PAK1: variants seen among roughly 807,000 people sequenced by gnomAD.
PAK1 encodes p21 (RAC1) activated kinase 1, also known as serine/threonine-protein kinase PAK 1.
A neutral mutation model predicts 67.4 loss-of-function variants in PAK1; 29 were observed. The ratio of observed to expected loss-of-function variants is 0.43; its 90% CI spans 0.32 to 0.59. The LOEUF is 0.59. Among genes scored for constraint, PAK1 ranks in the 20% least tolerant of loss-of-function variants. PAK1 has a pLI of 0.07. For synonymous variants in PAK1, 223 were observed against 237.4 expected (o/e 0.94, Z 0.56); for missense variants, 337 against 670.7 (o/e 0.50, Z 5.50).
At chr11:77,367,108 G>A (rs1334086662) in intron 5 of PAK1, among the ~76,000 whole-genome samples, 2 of 152,204 alleles carry the variant, frequency 1.3e-5, no homozygotes, top group African/African-American at 4.8e-5. Context: ...TGTTGTATGA[G>A]TTTATTTATA....
the PAK1 span, among the ~76,000 whole-genome samples, chr11:77,490,328 G>A: frequency 3.6e-3 from 504 of 139,990 alleles, no homozygotes; most frequent in Middle Eastern, 7.4e-3. Flanking sequence ...CGGGAGGGAG[G>A]TGGGGGGGTC....
chr11:77,480,585 G>T, the PAK1 span, among the ~76,000 whole-genome samples: 2 of 149,020 alleles, frequency 1.3e-5, no homozygotes, highest in African/African-American at 2.5e-5. Flanking sequence ...GTGCAGTGGC[G>T]CAATCTCAAC....
intron 13 of PAK1, among the ~76,000 whole-genome samples, chr11:77,334,987 C>T (rs551818535): frequency 1.7e-4 from 26 of 152,294 alleles, no homozygotes; most frequent in African/African-American, 6.0e-4. Flanking sequence ...TCAGTCTCAT[C>T]TTAACCTATC....
intron 1 of PAK1, among the ~76,000 whole-genome samples, chr11:77,469,423 TAAC>T (rs1377299914): frequency 2.6e-5 from 4 of 152,164 alleles, no homozygotes; most frequent in African/African-American, 9.6e-5. Flanking sequence ...TACCACCACC[TAAC>T]AACTAACAAG....
chr11:77,460,495 T>A (rs1957295247), intron 1 of PAK1, among the ~76,000 whole-genome samples: 1 of 151,586 alleles, frequency 6.6e-6, no homozygotes. Flanking sequence ...AAAGACTAGC[T>A]TTGAAGGAAA....
chr11:77,476,990 A>AT (rs1317183281), upstream of PAK1: 1 of 152,198 alleles, frequency 6.6e-6, no homozygotes, highest in Non-Finnish European at 1.5e-5. Context: ...TCAAAAAATA[A>AT]AATAAAAAAA....
chr11:77,452,011 A>G (rs1306280661), intron 1 of PAK1, among the ~76,000 whole-genome samples: 1 of 152,206 alleles, frequency 6.6e-6, no homozygotes, highest in African/African-American at 2.4e-5. Flanking sequence ...CAACCCTGTA[A>G]GAGAGCTATT....
intron 1 of PAK1, among the ~76,000 whole-genome samples, chr11:77,416,049 G>A (rs1416079144): frequency 5.9e-5 from 9 of 151,448 alleles, no homozygotes; most frequent in Admixed American, 3.9e-4. Context: ...CATGATCTCA[G>A]CTCACTGCAA....
intron 1 of PAK1, among the ~76,000 whole-genome samples, chr11:77,463,927 T>C (rs1287925701): frequency 1.3e-5 from 2 of 152,236 alleles, no homozygotes; most frequent in Non-Finnish European, 2.9e-5. Context: ...ACATATGTAA[T>C]CTCAAATTTT....
chr11:77,350,319 C>G (rs1325884850), intron 8 of PAK1, among the ~76,000 whole-genome samples: 1 of 152,054 alleles, frequency 6.6e-6, no homozygotes, highest in African/African-American at 2.4e-5. Context: ...TGCCCCACCC[C>G]CAAGGTAAGA....
At chr11:77,338,931 G>C (rs1272980010) in intron 11 of PAK1, among the ~76,000 whole-genome samples, 1 of 152,128 alleles carries the variant, frequency 6.6e-6, no homozygotes, top group Non-Finnish European at 1.5e-5. Context: ...AGTCAGGGCA[G>C]GGGACATGGG....
intron 1 of PAK1, among the ~76,000 whole-genome samples, chr11:77,462,147 A>T (rs1345318886): frequency 6.6e-6 from 1 of 151,908 alleles, no homozygotes; most frequent in East Asian, 1.9e-4. Flanking sequence ...TAACACGGTG[A>T]AACCCCTTCT....
At chr11:77,490,538 C>T in the PAK1 span, among the ~76,000 whole-genome samples, 6 of 150,582 alleles carry the variant, frequency 4.0e-5, no homozygotes, top group Admixed American at 1.3e-4. Context: ...CCAGCCGCCC[C>T]GTCTGGGAGG....
chr11:77,470,335 CT>C (rs1262462605), intron 1 of PAK1, among the ~76,000 whole-genome samples: 1 of 152,208 alleles, frequency 6.6e-6, no homozygotes, highest in Non-Finnish European at 1.5e-5. Context: ...TTCTCCCCCC[CT>C]TTATGATCAT....
chr11:77,482,749 C>T, the PAK1 span, among the ~76,000 whole-genome samples: 1 of 151,946 alleles, frequency 6.6e-6, no homozygotes, highest in Non-Finnish European at 1.5e-5. Flanking sequence ...GACAGGCACT[C>T]GCCACCCTGC....
At chr11:77,454,210 C>T (rs1396021276) in intron 1 of PAK1, among the ~76,000 whole-genome samples, 1 of 152,192 alleles carries the variant, frequency 6.6e-6, no homozygotes, top group African/African-American at 2.4e-5. Flanking sequence ...CTCAACACCC[C>T]AGTGGTTATA....
intron 1 of PAK1, among the ~76,000 whole-genome samples, chr11:77,425,755 T>C (rs1955511998): frequency 6.6e-6 from 1 of 152,208 alleles, no homozygotes; most frequent in Admixed American, 6.5e-5. Context: ...CATATTTCTG[T>C]TTAAATAAGG....
intron 1 of PAK1, among the ~76,000 whole-genome samples, chr11:77,448,041 T>C (rs1956694222): frequency 6.6e-6 from 1 of 152,206 alleles, no homozygotes; most frequent in Admixed American, 6.5e-5. Context: ...ACAGAAAGAA[T>C]ACTGAATTAG....
intron 1 of PAK1, among the ~76,000 whole-genome samples, chr11:77,431,523 G>A (rs1955859274): frequency 6.6e-6 from 1 of 152,124 alleles, no homozygotes; most frequent in Non-Finnish European, 1.5e-5. Flanking sequence ...AAGGGAAATG[G>A]TCTTTCTTAA....
Sources: gnomAD v4.1 joint callset for allele counts (sites outside exome capture counted in the v4.1 genomes callset) on GRCh38, gnomAD v4.1.1 for gene constraint, MANE v1.5 for transcripts, NCBI Gene and HGNC (gene_info 2026-07-23, HGNC 2026-07-21) for gene names.